Variants in CADPS2 observed in about 807,000 individuals in gnomAD.
The protein encoded by CADPS2 is calcium-dependent secretion activator 2.
A neutral mutation model predicts 172.5 loss-of-function variants in CADPS2; 93 were observed. The observed-to-expected ratio is 0.54, with a 90% CI of 0.46 to 0.64. The LOEUF (loss-of-function observed/expected upper bound fraction) is 0.64, where lower values mean the gene tolerates loss of function less well. Ranked by LOEUF, CADPS2 falls within the 30% of genes least tolerant of loss-of-function variation. CADPS2 has a pLI of 0.00. For synonymous variants in CADPS2, 546 were observed against 555.2 expected (o/e 0.98, Z 0.23); for missense variants, 1,420 against 1,565.9 (o/e 0.91, Z 1.57).
At chr7:122,398,711 AC>A (rs1343554827) in intron 20 of CADPS2, among the ~76,000 whole-genome samples, 2 of 133,422 alleles carry the variant, frequency 1.5e-5, no homozygotes, top group South Asian at 2.5e-4. Context: ...GCAGTCTAGA[AC>A]AGCATTATGT....
intron 1 of CADPS2, among the ~76,000 whole-genome samples, chr7:122,807,885 G>A (rs2140101128): frequency 6.6e-6 from 1 of 152,278 alleles, no homozygotes; most frequent in East Asian, 1.9e-4. Flanking sequence ...AATCACCTCT[G>A]TAAAGACCTT....
At chr7:122,674,483 C>CA (rs1451392519) in intron 2 of CADPS2, among the ~76,000 whole-genome samples, 1 of 152,228 alleles carries the variant, frequency 6.6e-6, no homozygotes, top group Admixed American at 6.5e-5. Flanking sequence ...TTAATCTACT[C>CA]AGCTTATATA....
intron 24 of CADPS2, among the ~76,000 whole-genome samples, chr7:122,386,058 G>C (rs1433886151): frequency 6.6e-6 from 1 of 151,860 alleles, no homozygotes; most frequent in African/African-American, 2.4e-5. Flanking sequence ...CAGACTAACA[G>C]GGGAGAAACA....
At chr7:122,659,325 A>AAAC (rs1362889203) in intron 3 of CADPS2, among the ~76,000 whole-genome samples, 2 of 151,564 alleles carry the variant, frequency 1.3e-5, no homozygotes, top group African/African-American at 4.8e-5. Flanking sequence ...AAAAAAAAAA[A>AAAC]ACACCGTGGA....
chr7:122,492,537 G>C (rs1024700638), intron 9 of CADPS2, among the ~76,000 whole-genome samples: 1 of 152,072 alleles, frequency 6.6e-6, no homozygotes, highest in African/African-American at 2.4e-5. Context: ...CAGCAAAGAC[G>C]TCAGATGCTA....
chr7:122,439,860 C>G (rs2051127962), intron 16 of CADPS2, among the ~76,000 whole-genome samples: 1 of 152,032 alleles, frequency 6.6e-6, no homozygotes, highest in Admixed American at 6.6e-5. Flanking sequence ...TTATACTTCC[C>G]ATGGCAACAA....
chr7:122,626,854 G>T (rs777834378), intron 4 of CADPS2, among the ~76,000 whole-genome samples: 6 of 152,224 alleles, frequency 3.9e-5, no homozygotes, highest in Admixed American at 6.5e-5. Flanking sequence ...TAGCTATCAT[G>T]AATTTGGTCA....
chr7:122,488,358 G>A (rs1182036438), intron 11 of CADPS2, among the ~76,000 whole-genome samples: 1 of 152,172 alleles, frequency 6.6e-6, no homozygotes, highest in African/African-American at 2.4e-5. Context: ...TAGGAAAGAA[G>A]CAGTGGATAA....
At chr7:122,581,332 AT>A (rs747460132) in intron 6 of CADPS2, 42 bp from the exon 7 acceptor site, 20 of 1,511,392 alleles carry the variant, frequency 1.3e-5, no homozygotes, top group Middle Eastern at 1.7e-4. Flanking sequence ...ATGCAGCATT[AT>A]TTTTTTCCCC....
chr7:122,571,183 G>A (rs1354037127), intron 7 of CADPS2, among the ~76,000 whole-genome samples: 1 of 151,794 alleles, frequency 6.6e-6, no homozygotes, highest in Non-Finnish European at 1.5e-5. Flanking sequence ...TAAAAACTGG[G>A]GAAAATATTT....
At chr7:122,648,479 C>T (rs914533214) in intron 3 of CADPS2, among the ~76,000 whole-genome samples, 1 of 152,054 alleles carries the variant, frequency 6.6e-6, no homozygotes, top group Non-Finnish European at 1.5e-5. Context: ...CTGCCCACCC[C>T]GCCAAAATAA....
At chr7:122,748,623 T>C (rs1247106662) in intron 1 of CADPS2, among the ~76,000 whole-genome samples, 1 of 152,136 alleles carries the variant, frequency 6.6e-6, no homozygotes, top group Non-Finnish European at 1.5e-5. Context: ...CAGAAATGTC[T>C]GAAGTTTTTG....
chr7:122,628,768 A>C (rs958962841), intron 4 of CADPS2, among the ~76,000 whole-genome samples: 28 of 147,390 alleles, frequency 1.9e-4, no homozygotes, highest in African/African-American at 6.6e-4. Flanking sequence ...AGCACACTTC[A>C]TCTGCCAGAT....
At chr7:122,719,721 T>G (rs1418467897) in intron 2 of CADPS2, among the ~76,000 whole-genome samples, 1 of 152,044 alleles carries the variant, frequency 6.6e-6, no homozygotes, top group Non-Finnish European at 1.5e-5. Context: ...ATAATAATTT[T>G]TAGAACAGAA....
At chr7:122,651,246 C>G (rs1411595248) in intron 3 of CADPS2, among the ~76,000 whole-genome samples, 1 of 131,742 alleles carries the variant, frequency 7.6e-6, no homozygotes, top group Admixed American at 8.7e-5. Context: ...TTATCAATCA[C>G]AGGCTACTAG....
At chr7:122,634,879 T>C (rs1042993090) in intron 3 of CADPS2, among the ~76,000 whole-genome samples, 1 of 152,258 alleles carries the variant, frequency 6.6e-6, no homozygotes, top group African/African-American at 2.4e-5. Flanking sequence ...TTAAGGAAGT[T>C]TTTGATTTCT....
intron 22 of CADPS2, 131 bp downstream of exon 22, chr7:122,393,065 T>TA (rs370397056): frequency 0.18 from 145,819 of 830,862 alleles, 1 homozygote; most frequent in East Asian, 0.21. Context: ...AAAACTCAAA[T>TA]AAAAAAAAAA....
At chr7:122,750,741 C>CT (rs957776145) in intron 1 of CADPS2, among the ~76,000 whole-genome samples, 4 of 152,170 alleles carry the variant, frequency 2.6e-5, no homozygotes, top group Admixed American at 6.6e-5. Flanking sequence ...CCCTGAAGAG[C>CT]TTTTTTTAAA....
At chr7:122,540,597 C>T (rs1033443222) in intron 8 of CADPS2, among the ~76,000 whole-genome samples, 1 of 152,022 alleles carries the variant, frequency 6.6e-6, no homozygotes, top group South Asian at 2.1e-4. Flanking sequence ...AATTAAAATT[C>T]TCTTGCTTCT....
Sources: allele counts gnomAD v4.1 joint callset (sites outside exome capture counted in the v4.1 genomes callset), GRCh38; gene constraint gnomAD v4.1.1; transcripts MANE v1.5; gene names NCBI Gene and HGNC (gene_info 2026-07-23, HGNC 2026-07-21).